Variants in CLMN observed in about 807,000 individuals in gnomAD.
CLMN encodes calmin (calponin-like, transmembrane).
CLMN carries 57 observed loss-of-function variants against 92.7 expected under a neutral mutation model. That is an observed-to-expected ratio of 0.61 (90% confidence interval 0.50 to 0.77). The LOEUF is 0.77. Among genes scored for constraint, CLMN ranks in the 30% least tolerant of loss-of-function variants. CLMN has a pLI of 0.00. For missense variants in CLMN, 1,158 were observed against 1,237.5 expected (o/e 0.94, Z 0.96); for synonymous variants, 466 against 470.6 (o/e 0.99, Z 0.13).
intron 1 of CLMN, among the ~76,000 whole-genome samples, chr14:95,238,707 C>A (rs1898141808): frequency 1.3e-5 from 2 of 152,150 alleles, no homozygotes. Flanking sequence ...GAGTGAGTAA[C>A]CTGCTCCAGC....
At chr14:95,251,808 T>G (rs1022412968) in intron 1 of CLMN, among the ~76,000 whole-genome samples, 3 of 152,206 alleles carry the variant, frequency 2.0e-5, no homozygotes, top group Non-Finnish European at 4.4e-5. Context: ...GTGCTGGAGC[T>G]CCTCAGAGCC....
chr14:95,191,661 A>G lies in CLMN; in HGVS notation c.2912T>C (p.Leu971Pro). ...HSPQSDSLTQLVQQPDMMYFI... is the reference protein window; with the variant it reads ...HSPQSDSLTQPVQQPDMMYFI... ...ATACATCATATCCGGCTGCTGGACA[A>G]GCTGTGTCAGGGAGTCACTCTGCGG... Residue 971 changes from leucine to proline, a missense_variant, in exon 13 of 13, where the codon CTT becomes CCT. Leu to Pro is a moderately conservative substitution (Grantham distance 98, BLOSUM62 -3). Transcript: ENST00000298912. This position sits in a 1 kb window ranked among gnomAD's most constrained non-coding sequence, Gnocchi z 5.3. The G allele has an allele frequency of 1.8e-5, 29 of 1,613,734 alleles. No individual in the cohort carries two copies. The highest frequency in any genetic ancestry group is 2.5e-5 in the Non-Finnish European group (29 of 1,179,990).
intron 1 of CLMN, among the ~76,000 whole-genome samples, chr14:95,273,411 G>C (rs911668997): frequency 2.6e-5 from 4 of 152,234 alleles, no homozygotes; most frequent in African/African-American, 9.6e-5. Flanking sequence ...TCCTCACAGG[G>C]AGAAGAAGGA....
intron 1 of CLMN, among the ~76,000 whole-genome samples, chr14:95,312,086 CCTACAGGGCAGT>C: frequency 6.6e-6 from 1 of 152,288 alleles, no homozygotes; most frequent in Admixed American, 6.5e-5. Context: ...CACAGAGAAA[CCTACAGGGCAGT>C]CTAGCTGTGC....
At chr14:95,310,252 A>G (rs1215930863) in intron 1 of CLMN, among the ~76,000 whole-genome samples, 1 of 152,204 alleles carries the variant, frequency 6.6e-6, no homozygotes, top group African/African-American at 2.4e-5. Context: ...AGACTCAGGT[A>G]TTTCTTTAGA....
At position 95,191,872 on chromosome 14, in the gene CLMN, G is replaced by A; in HGVS notation, c.2841-140C>T. On this transcript the variant is annotated intron_variant, in intron 12 of 12. Transcript: ENST00000298912. The surrounding 1 kb of genome is among the most constrained non-coding windows in gnomAD (Gnocchi z 5.3). ...GCTCCCCAGCACCATGTCCAGGTAG[G>A]CCCCACACTGTGTGTACTGGCCCAA... 1 of 751,514 alleles carries A rather than the reference G, an allele frequency of 1.3e-6. No individual in the cohort carries two copies. The allele number at this position is 751,514 out of a possible 1,614,324, so 46.6% of individuals were successfully genotyped here.
chr14:95,194,278 G>C lies in CLMN; in HGVS notation c.2769+258C>G, dbSNP rs1163306296. ...TTCTGGGTGCGCGCGGGGTCCAGGT[G>C]AGGCGTTTTGGGTGCGTTTTTATAG... On this transcript the variant is annotated intron_variant, in intron 11 of 12. Coordinates refer to ENST00000298912, the MANE Select transcript of CLMN (RefSeq NM_024734.4). This position sits in a 1 kb window ranked among gnomAD's most constrained non-coding sequence, Gnocchi z 4.0. 1 of 1,407,016 alleles carries C rather than the reference G, an allele frequency of 7.1e-7. No homozygotes were observed. The highest frequency in any genetic ancestry group is 9.2e-7 in the Non-Finnish European group (1 of 1,085,154). 87.2% of individuals were successfully genotyped at this position (1,407,016 alleles called of 1,614,324 possible). A position where few individuals can be genotyped will look rare whatever the true frequency, so the allele number is the denominator to read the frequency against.
chr14:95,244,381 C>T (rs919206220), intron 1 of CLMN, among the ~76,000 whole-genome samples: 3 of 152,168 alleles, frequency 2.0e-5, no homozygotes, highest in African/African-American at 4.8e-5. Context: ...ACCTGTCACC[C>T]TCACACTCCC....
intron 1 of CLMN, among the ~76,000 whole-genome samples, chr14:95,268,719 C>A (rs1227304089): frequency 6.7e-6 from 1 of 149,554 alleles, no homozygotes. Flanking sequence ...GGCTGTGATA[C>A]TGCACTGTAG....
rs1299460993 is a variant in CLMN, at chr14:95,215,699, G to A, written c.359C>T (p.Ala120Val). The stretch of plus-strand genomic sequence containing the variant: ...AAGAACCAAAGAAGGGTTGCCATCT[G>A]CTATTTCTGCTGCATCAATGCTAAC... ...KLVSIDAAEI[A>V]DGNPSLVLGL... Residue 120 changes from alanine (A) to valine (V), a missense_variant, in exon 5 of 13, where the codon GCA (alanine) becomes GTA (valine). Ala to Val is a moderately conservative substitution (Grantham distance 64). Transcript: ENST00000298912. The A allele has an allele frequency of 1.9e-6, 3 of 1,614,024 alleles. No individual in the cohort carries two copies. Among genetic ancestry groups the A allele is most frequent in the African/African-American group, 1.3e-5 (1 of 74,912 alleles).
intron 4 of CLMN, among the ~76,000 whole-genome samples, chr14:95,216,663 C>A (rs1566873269): frequency 6.6e-6 from 1 of 152,162 alleles, no homozygotes; most frequent in Non-Finnish European, 1.5e-5. Context: ...AAGGTTTATA[C>A]CCAGGGTTTC....
intron 1 of CLMN, among the ~76,000 whole-genome samples, chr14:95,293,081 G>A (rs1235430274): frequency 6.6e-6 from 1 of 151,832 alleles, no homozygotes; most frequent in Non-Finnish European, 1.5e-5. Context: ...ACTATGTCAG[G>A]GTAAATGAGA....
At chr14:95,268,578 C>T (rs1328702386) in intron 1 of CLMN, among the ~76,000 whole-genome samples, 2 of 152,080 alleles carry the variant, frequency 1.3e-5, no homozygotes, top group African/African-American at 4.8e-5. Context: ...ATCTTGACTG[C>T]CATGGTGGTC....
At chr14:95,285,643 T>C (rs1488286977) in intron 1 of CLMN, among the ~76,000 whole-genome samples, 1 of 152,182 alleles carries the variant, frequency 6.6e-6, no homozygotes, top group Non-Finnish European at 1.5e-5. Context: ...TAATCATAAC[T>C]GGAGGATCTG....
rs948587990 is a variant in CLMN at position 95,256,794 on chromosome 14, G to T, written c.83-26661C>A. 1.3e-5 allele frequency among the ~76,000 whole-genome samples: 2 copies of T among 152,214 alleles called. No homozygotes were observed. Among genetic ancestry groups the T allele is most frequent in the African/African-American group, 4.8e-5 (2 of 41,458 alleles). On this transcript the variant is annotated intron_variant, in intron 1 of 12. Coordinates refer to ENST00000298912, the MANE Select transcript of CLMN (RefSeq NM_024734.4). The surrounding 1 kb of genome is among the most constrained non-coding windows in gnomAD (Gnocchi z 4.9). ...GGAAAACAGACATGGGGAAACTGGG[G>T]ATGGCAGGAGAAGAGCTGTCAGTGG...
intron 1 of CLMN, among the ~76,000 whole-genome samples, chr14:95,258,473 G>A (rs1215706724): frequency 6.8e-6 from 1 of 147,166 alleles, no homozygotes; most frequent in Non-Finnish European, 1.5e-5. Context: ...GTTTGTGTGT[G>A]GTATATGCAT....
intron 1 of CLMN, among the ~76,000 whole-genome samples, chr14:95,315,329 G>A (rs1901715983): frequency 6.6e-6 from 1 of 152,118 alleles, no homozygotes; most frequent in Admixed American, 6.5e-5. Flanking sequence ...CCTGGGATGG[G>A]CCAAAGAGCT....
intron 1 of CLMN, among the ~76,000 whole-genome samples, chr14:95,249,803 C>T (rs1039263056): frequency 2.6e-5 from 4 of 152,214 alleles, no homozygotes; most frequent in South Asian, 2.1e-4. Flanking sequence ...CTGTGTTAGC[C>T]AGGGTGGTCT....
chr14:95,270,059 G>T (rs1039345966), intron 1 of CLMN, among the ~76,000 whole-genome samples: 1 of 152,302 alleles, frequency 6.6e-6, no homozygotes, highest in African/African-American at 2.4e-5. Flanking sequence ...AAGGTAAAAT[G>T]GCTTGGCCAG....
Sources: gnomAD v4.1 joint callset for allele counts (sites outside exome capture counted in the v4.1 genomes callset) on GRCh38, gnomAD v4.1.1 for gene constraint, Gnocchi (gnomAD v3.1) non-coding constraint, MANE v1.5 for transcripts, NCBI Gene and HGNC (gene_info 2026-07-23, HGNC 2026-07-21) for gene names.